Variants in SPOCK3 observed in about 807,000 individuals in gnomAD.
SPOCK3 encodes the protein testican-3.
A neutral mutation model predicts 56.6 loss-of-function variants in SPOCK3; 30 were observed. The observed-to-expected ratio is 0.53, with a 90% CI of 0.40 to 0.72. SPOCK3 has a LOEUF of 0.72. SPOCK3 is among the 30% of genes least tolerant of loss of function. The pLI, the probability that SPOCK3 is intolerant of heterozygous loss-of-function variation, is 0.00. For missense variants in SPOCK3, 527 were observed against 530.0 expected (o/e 0.99, Z 0.06); for synonymous variants, 196 against 183.3 (o/e 1.07, Z -0.56).
At chr4:167,160,562 A>T (rs1488014628) in intron 2 of SPOCK3, among the ~76,000 whole-genome samples, 3 of 149,512 alleles carry the variant, frequency 2.0e-5, no homozygotes, top group Middle Eastern at 3.4e-3. Context: ...ATATGGAACC[A>T]AAAAAGAGCC....
chr4:166,926,348 C>A (rs956189858), intron 4 of SPOCK3, among the ~76,000 whole-genome samples: 6 of 152,132 alleles, frequency 3.9e-5, no homozygotes, highest in Non-Finnish European at 7.4e-5. Context: ...CATAGCCACA[C>A]AGCACAGATA....
At chr4:166,751,766 A>G (rs761986572) in intron 8 of SPOCK3, among the ~76,000 whole-genome samples, 7 of 152,140 alleles carry the variant, frequency 4.6e-5, no homozygotes, top group African/African-American at 9.6e-5. Flanking sequence ...AGAGTAAGTA[A>G]AAGTAGACAT....
intron 6 of SPOCK3, among the ~76,000 whole-genome samples, chr4:166,806,000 A>G (rs1743123690): frequency 1.3e-5 from 2 of 152,102 alleles, no homozygotes; most frequent in Non-Finnish European, 2.9e-5. Flanking sequence ...TAATGAGTTT[A>G]TACTCCATAC....
At chr4:166,754,373 C>T (rs1299244935) in intron 8 of SPOCK3, 135 bp downstream of exon 8, 1 of 1,395,846 alleles carries the variant, frequency 7.2e-7, no homozygotes, top group Admixed American at 3.1e-5. Flanking sequence ...CTTATTTGCT[C>T]TTTTATTCAA....
rs541571967 is a variant in SPOCK3, at chr4:167,190,154, G to A, written c.189+43831C>T. Among the ~76,000 whole-genome samples the A allele has an allele frequency of 5.1e-4, 74 of 145,998 alleles. 11 individuals carry two copies. The highest frequency in any genetic ancestry group is 1.8e-3 in the African/African-American group (71 of 38,434). ...AATATACTCAGAGCAAGATTGCTAG[G>A]TTGTATTGTAACTCTGTTTTTAATT... On this transcript the variant is annotated intron_variant, in intron 2 of 10. Transcript: ENST00000357545.
At chr4:166,992,652 T>C (rs1268887691) in intron 4 of SPOCK3, among the ~76,000 whole-genome samples, 1 of 152,196 alleles carries the variant, frequency 6.6e-6, no homozygotes, top group Non-Finnish European at 1.5e-5. Flanking sequence ...TTAATCTTCA[T>C]CTCTTAAGGA....
chr4:167,027,974 T>G (rs558061531), intron 3 of SPOCK3, among the ~76,000 whole-genome samples: 1 of 152,104 alleles, frequency 6.6e-6, no homozygotes, highest in Non-Finnish European at 1.5e-5. Flanking sequence ...TGTATTTATA[T>G]TCAATTGTGA....
At chr4:167,118,657 C>T (rs1761622398) in intron 2 of SPOCK3, among the ~76,000 whole-genome samples, 1 of 152,104 alleles carries the variant, frequency 6.6e-6, no homozygotes, top group Non-Finnish European at 1.5e-5. Flanking sequence ...ACAAATTGCT[C>T]ATATTTCATG....
intron 5 of SPOCK3, among the ~76,000 whole-genome samples, chr4:166,890,155 G>A (rs1734623984): frequency 6.6e-6 from 1 of 151,854 alleles, no homozygotes; most frequent in African/African-American, 2.4e-5. Context: ...CCTCTCTTCG[G>A]TGCTTGTATG....
intron 2 of SPOCK3, among the ~76,000 whole-genome samples, chr4:167,148,262 T>C (rs1029675549): frequency 1.3e-5 from 2 of 152,090 alleles, no homozygotes; most frequent in Admixed American, 1.3e-4. Context: ...GAGATGCCAC[T>C]AATGTCCTAA....
At chr4:167,069,435 A>G (rs2150261797) in intron 2 of SPOCK3, among the ~76,000 whole-genome samples, 1 of 151,972 alleles carries the variant, frequency 6.6e-6, no homozygotes, top group East Asian at 1.9e-4. Context: ...CAAAGTGAGA[A>G]GCAGCCAGCT....
chr4:167,135,312 T>A (rs1029615252), intron 2 of SPOCK3, among the ~76,000 whole-genome samples: 2 of 152,014 alleles, frequency 1.3e-5, no homozygotes, highest in African/African-American at 4.8e-5. Flanking sequence ...ATTTGGAAAG[T>A]TTTAAGAGAT....
chr4:167,124,934 A>C (rs1762140624), intron 2 of SPOCK3, among the ~76,000 whole-genome samples: 7 of 152,136 alleles, frequency 4.6e-5, no homozygotes, highest in Admixed American at 3.9e-4. Context: ...CTCTGCTTGA[A>C]TGTCCTCCCT....
At chr4:166,744,468 C>A (rs1418521893) in intron 8 of SPOCK3, among the ~76,000 whole-genome samples, 1 of 152,118 alleles carries the variant, frequency 6.6e-6, no homozygotes, top group Non-Finnish European at 1.5e-5. Flanking sequence ...CACACCAAGA[C>A]CGCATCTGTA....
At chr4:167,140,846 TTC>T (rs1763471885) in intron 2 of SPOCK3, among the ~76,000 whole-genome samples, 1 of 152,044 alleles carries the variant, frequency 6.6e-6, no homozygotes, top group Admixed American at 6.6e-5. Flanking sequence ...TCCCCTATCG[TTC>T]TCTCTGCTTT....
intron 3 of SPOCK3, among the ~76,000 whole-genome samples, chr4:167,055,718 A>T (rs894558755): frequency 6.6e-6 from 1 of 152,192 alleles, no homozygotes; most frequent in Non-Finnish European, 1.5e-5. Flanking sequence ...GCAGTCTGAG[A>T]TCAAACTGCA....
chr4:166,898,304 G>A (rs1735632128), intron 5 of SPOCK3, among the ~76,000 whole-genome samples: 1 of 152,122 alleles, frequency 6.6e-6, no homozygotes, highest in Non-Finnish European at 1.5e-5. Context: ...GGCAGGGGGA[G>A]GAAGGGTTGT....
intron 3 of SPOCK3, among the ~76,000 whole-genome samples, chr4:167,014,657 AT>A (rs954926292): frequency 6.6e-5 from 10 of 151,744 alleles, no homozygotes; most frequent in East Asian, 1.9e-4. Context: ...CCTGTTTTTA[AT>A]TTTTTTTAAA....
At chr4:166,870,854 T>C (rs62354063) in intron 6 of SPOCK3, among the ~76,000 whole-genome samples, 3,845 of 152,160 alleles carry the variant, frequency 0.025, 47 homozygotes, top group Middle Eastern at 0.041. Context: ...TGGGAGGTGA[T>C]TGGATCATGG....
Sources: allele counts gnomAD v4.1 joint callset (sites outside exome capture counted in the v4.1 genomes callset), GRCh38; gene constraint gnomAD v4.1.1; transcripts MANE v1.5; gene names NCBI Gene and HGNC (gene_info 2026-07-23, HGNC 2026-07-21).